The following ROR1 variants were observed in gnomAD, a reference collection of about 807,000 sequenced individuals.
The protein encoded by ROR1 is ROR family WNT receptor 1, also known as inactive tyrosine-protein kinase transmembrane receptor ROR1.
In ROR1, 19 loss-of-function variants were observed where a neutral mutation model predicts 78.8. The observed-to-expected ratio is 0.24, with a 90% CI of 0.17 to 0.35. ROR1 has a LOEUF of 0.35. Ranked by LOEUF, ROR1 falls within the 10% of genes least tolerant of loss-of-function variation. The pLI is 1.00. For synonymous variants in ROR1, 386 were observed against 433.6 expected, an observed-to-expected ratio of 0.89 and a Z score of 1.36; for missense variants, 917 against 1,177.8, an observed-to-expected ratio of 0.78 and a Z score of 3.24.
intron 4 of ROR1, among the ~76,000 whole-genome samples, chr1:64,101,389 C>T (rs1647534924): frequency 6.6e-6 from 1 of 152,052 alleles, no homozygotes; most frequent in East Asian, 1.9e-4. Flanking sequence ...CAGATATGGA[C>T]ATGTGGAATT....
intron 4 of ROR1, among the ~76,000 whole-genome samples, chr1:64,079,470 A>ATT (rs71056020): frequency 0.12 from 17,828 of 145,784 alleles, 1,196 homozygotes; most frequent in Middle Eastern, 0.17. Context: ...CTTGATTGGG[A>ATT]TTTTTTTTTT....
At chr1:64,047,778 G>C (rs958993827) in intron 2 of ROR1, among the ~76,000 whole-genome samples, 1 of 152,220 alleles carries the variant, frequency 6.6e-6, no homozygotes, top group African/African-American at 2.4e-5. Flanking sequence ...GATGTATATA[G>C]ATTGGAGAAA....
intron 1 of ROR1, among the ~76,000 whole-genome samples, chr1:63,915,035 C>T (rs575045458): frequency 2.0e-5 from 3 of 152,172 alleles, no homozygotes; most frequent in African/African-American, 4.8e-5. Context: ...TTGAATACAT[C>T]GTGCTTGGTA....
intron 1 of ROR1, among the ~76,000 whole-genome samples, chr1:63,814,951 C>T (rs1644881352): frequency 6.6e-6 from 1 of 152,214 alleles, no homozygotes. Flanking sequence ...CCTCAATTCC[C>T]TCCTATTCCG....
At chr1:63,794,644 GTCT>G (rs1267730230) in intron 1 of ROR1, among the ~76,000 whole-genome samples, 3 of 152,202 alleles carry the variant, frequency 2.0e-5, no homozygotes, top group African/African-American at 7.2e-5. Flanking sequence ...TCACCTGAAG[GTCT>G]TCTTCAATTT....
At chr1:63,888,911 G>T (rs755427631) in intron 1 of ROR1, among the ~76,000 whole-genome samples, 1 of 152,060 alleles carries the variant, frequency 6.6e-6, no homozygotes, top group Non-Finnish European at 1.5e-5. Context: ...AATTTAGCAG[G>T]TTAAACCCAT....
At chr1:63,904,081 G>T (rs951607000) in intron 1 of ROR1, among the ~76,000 whole-genome samples, 1 of 152,154 alleles carries the variant, frequency 6.6e-6, no homozygotes, top group Non-Finnish European at 1.5e-5. Flanking sequence ...GTAGGGAAGC[G>T]GGGCCAGGTC....
intron 4 of ROR1, among the ~76,000 whole-genome samples, chr1:64,123,038 A>C (rs1054661545): frequency 6.6e-6 from 1 of 152,138 alleles, no homozygotes; most frequent in African/African-American, 2.4e-5. Context: ...GATCCAGTAG[A>C]ATACACTACC....
chr1:63,801,503 C>T lies in ROR1; in HGVS notation c.91+26995C>T, dbSNP rs1038155108. Among the ~76,000 whole-genome samples, 6 of 152,216 alleles carry T rather than the reference C, an allele frequency of 3.9e-5. No homozygotes were observed. The East Asian group carries it at 1.2e-3, about 29-fold the overall frequency. On this transcript the variant is annotated intron_variant, in intron 1 of 8. Coordinates refer to ENST00000371079, the MANE Select transcript of ROR1 (RefSeq NM_005012.4). ...AAAGACGGGGTTTCACCATGTTGGC[C>T]AGGCTGGTCTTGAACTCCTGACCCC...
chr1:63,785,328 A>C (rs1012185088), intron 1 of ROR1, among the ~76,000 whole-genome samples: 1 of 152,158 alleles, frequency 6.6e-6, no homozygotes, highest in East Asian at 1.9e-4. Context: ...TTAGCCTTTC[A>C]TATGCCTACC....
intron 2 of ROR1, among the ~76,000 whole-genome samples, chr1:64,026,038 T>C (rs922918442): frequency 6.6e-6 from 1 of 152,226 alleles, no homozygotes; most frequent in African/African-American, 2.4e-5. Context: ...TGGCGTTTCC[T>C]TCTAGCTCAA....
chr1:64,034,499 A>G (rs75785269), intron 2 of ROR1, among the ~76,000 whole-genome samples: 1,809 of 152,240 alleles, frequency 0.012, 40 homozygotes, highest in African/African-American at 0.042. Context: ...TTTTTTAAGC[A>G]TTTATAGCAA....
chr1:64,059,110 C>T (rs569160816), intron 4 of ROR1, among the ~76,000 whole-genome samples: 9 of 151,988 alleles, frequency 5.9e-5, no homozygotes, highest in Admixed American at 3.3e-4. Context: ...TTATTTTATT[C>T]CTTTATCATT....
chr1:63,901,669 A>AT (rs573715930), intron 1 of ROR1, among the ~76,000 whole-genome samples: 7 of 150,376 alleles, frequency 4.7e-5, no homozygotes, highest in South Asian at 2.1e-4. Context: ...CTCTTTATTA[A>AT]TTTTTTTTTC....
intron 1 of ROR1, among the ~76,000 whole-genome samples, chr1:63,921,937 C>G (rs74079505): frequency 6.6e-6 from 1 of 152,158 alleles, no homozygotes; most frequent in Non-Finnish European, 1.5e-5. Flanking sequence ...AGTCTGTCTT[C>G]AGCAGTAGGC....
At chr1:63,976,185 G>A (rs1646159438) in intron 1 of ROR1, among the ~76,000 whole-genome samples, 1 of 152,180 alleles carries the variant, frequency 6.6e-6, no homozygotes, top group Non-Finnish European at 1.5e-5. Flanking sequence ...CATGGAGTGT[G>A]AGTTCTGGTT....
intron 4 of ROR1, among the ~76,000 whole-genome samples, chr1:64,101,729 A>G (rs1647553819): frequency 6.6e-6 from 1 of 152,168 alleles, no homozygotes; most frequent in Non-Finnish European, 1.5e-5. Flanking sequence ...ACATGGGTTG[A>G]TTAGAGGAGG....
chr1:63,949,548 C>G (rs187124944), intron 1 of ROR1, among the ~76,000 whole-genome samples: 1 of 152,134 alleles, frequency 6.6e-6, no homozygotes, highest in Non-Finnish European at 1.5e-5. Flanking sequence ...AGCAGCTTTC[C>G]CAAGCTTACC....
At chr1:64,161,215 A>G (rs1649933345) in intron 8 of ROR1, among the ~76,000 whole-genome samples, 1 of 152,236 alleles carries the variant, frequency 6.6e-6, no homozygotes, top group Non-Finnish European at 1.5e-5. Flanking sequence ...CAACCAGGGT[A>G]ATTGAGACAC....
Sources: allele counts gnomAD v4.1 joint callset (sites outside exome capture counted in the v4.1 genomes callset), GRCh38; gene constraint gnomAD v4.1.1; transcripts MANE v1.5; gene names NCBI Gene and HGNC (gene_info 2026-07-23, HGNC 2026-07-21).